SMARCD1: variants seen among roughly 807,000 people sequenced by gnomAD.
SMARCD1 encodes the protein SWI/SNF related BAF chromatin remodeling complex subunit D1.
In SMARCD1, 16 loss-of-function variants were observed where a neutral mutation model predicts 70.8. The observed-to-expected ratio is 0.23, with a 90% CI of 0.15 to 0.34. SMARCD1 has a LOEUF of 0.34. Among genes scored for constraint, SMARCD1 ranks in the 10% least tolerant of loss-of-function variants. The pLI, the probability that SMARCD1 is intolerant of heterozygous loss-of-function variation, is 1.00. For synonymous variants in SMARCD1, 249 were observed against 246.0 expected (o/e 1.01, Z -0.11); for missense variants, 409 against 655.5 (o/e 0.62, Z 4.11).
At chr12:50,090,854 T>C in intron 9 of SMARCD1, among the ~76,000 whole-genome samples, 1 of 125,936 alleles carries the variant, frequency 7.9e-6, no homozygotes, top group Non-Finnish European at 1.6e-5. Flanking sequence ...AGACAGAGTC[T>C]CACTCTGTTG....
chr12:50,086,451 G>A, intron 2 of SMARCD1, 103 bp downstream of exon 2: 1 of 867,270 alleles, frequency 1.2e-6, no homozygotes, highest in South Asian at 2.0e-5. Flanking sequence ...TCAGCAGATG[G>A]TGCTACAGAA....
At chr12:50,092,670 CT>C (rs1400564403) in intron 9 of SMARCD1, among the ~76,000 whole-genome samples, 1 of 152,042 alleles carries the variant, frequency 6.6e-6, no homozygotes, top group Admixed American at 6.6e-5. Context: ...TTGGTCTGTC[CT>C]ATATTCCTAT....
chr12:50,098,017 C>T (rs575999124), intron 11 of SMARCD1, among the ~76,000 whole-genome samples: 9 of 151,974 alleles, frequency 5.9e-5, no homozygotes, highest in South Asian at 2.1e-4. Flanking sequence ...GATTTGAAGA[C>T]GTTCCCAGAA....
chr12:50,094,280 C>T (rs1210757524), intron 9 of SMARCD1, among the ~76,000 whole-genome samples, 157 bp from the exon 10 acceptor site: 4 of 152,102 alleles, frequency 2.6e-5, no homozygotes, highest in Non-Finnish European at 5.9e-5. Flanking sequence ...ATGTAGCTGC[C>T]ACAATAAAGT....
intron 11 of SMARCD1, among the ~76,000 whole-genome samples, chr12:50,097,847 C>T (rs836176): frequency 0.33 from 48,320 of 146,568 alleles, 9,099 homozygotes; most frequent in Middle Eastern, 0.45. Context: ...GCCGAGATTG[C>T]GCCACTGCAC....
In SMARCD1 at chr12:50,085,544, C is replaced by T. The variant is rs1434810348; in HGVS notation, c.175C>T (p.Pro59Ser). ...YRSPMPGAAYPRPGMLPGSRM... is the reference protein window; with the variant it reads ...YRSPMPGAAYSRPGMLPGSRM... ...CTCCCCGATGCCCGGAGCGGCCTAT[C>T]CGGTGAGTGGGGCAGGAGGAGGGGC... The change falls in exon 1 of 13, where the codon CCG becomes TCG. Residue 59 changes from proline to serine, a missense_variant and splice_region_variant. This residue lies in a region of SMARCD1 where 140 missense variants were observed against 156.9 expected (regional missense o/e 0.89). Coordinates refer to ENST00000394963, the MANE Select transcript of SMARCD1 (RefSeq NM_003076.5). 1 of 1,232,924 alleles carries T rather than the reference C, an allele frequency of 8.1e-7. No homozygotes were observed. Among genetic ancestry groups the T allele is most frequent in the African/African-American group, 1.6e-5 (1 of 64,208 alleles). The allele number at this position is 1,232,924 out of a possible 1,614,324, so 76.4% of individuals were successfully genotyped here.
At chr12:50,096,804 C>A in intron 10 of SMARCD1, 46 bp from the exon 11 acceptor site, 1 of 1,572,940 alleles carries the variant, frequency 6.4e-7, no homozygotes, top group South Asian at 1.1e-5. Context: ...TTTAACTTCT[C>A]ATTTTTCTAG....
At chr12:50,093,207 C>A (rs970369518) in intron 9 of SMARCD1, among the ~76,000 whole-genome samples, 1 of 151,822 alleles carries the variant, frequency 6.6e-6, no homozygotes, top group South Asian at 2.1e-4. Flanking sequence ...TTTGTTTAAA[C>A]ATACAGAGTC....
Position 50,098,809 on chromosome 12 carries a change from C to T in SMARCD1, c.1488C>T (p.Tyr496=), listed in dbSNP as rs1950914723. The change falls in exon 12 of 13, where the codon TAC becomes TAT. Residue 496 remains tyrosine, a synonymous_variant. Coordinates refer to ENST00000394963, the MANE Select transcript of SMARCD1 (RefSeq NM_003076.5). ...AGGAGGCTGTGTGCCGATACTTCTA[C>T]TCCAAGGTAAGTACATGGGGTGCAC... ...WAQEAVCRYF[Y]SKVQQRRQEL... 1.2e-6 allele frequency: 2 copies of T among 1,613,718 alleles called. No individual in the cohort carries two copies. The highest frequency in any genetic ancestry group is 8.5e-7 in the Non-Finnish European group (1 of 1,179,684).
chr12:50,088,404 C>A, intron 5 of SMARCD1, 117 bp from the exon 6 acceptor site: 1 of 701,676 alleles, frequency 1.4e-6, no homozygotes, highest in Non-Finnish European at 2.6e-6. Flanking sequence ...AAGAGATATT[C>A]AGAAGATATT....
chr12:50,096,742 C>A, intron 10 of SMARCD1, 108 bp from the exon 11 acceptor site: 1 of 975,590 alleles, frequency 1.0e-6, no homozygotes, highest in Non-Finnish European at 1.5e-6. Flanking sequence ...CTGTGGGCAG[C>A]ATGGTGACTA....
At chr12:50,095,129 C>T (rs920602862) in intron 10 of SMARCD1, among the ~76,000 whole-genome samples, 17 of 152,058 alleles carry the variant, frequency 1.1e-4, no homozygotes, top group South Asian at 4.1e-4. Context: ...GTTGCTATGA[C>T]GATTAAATGA....
rs368198289 is a variant in SMARCD1 at position 50,086,608 on chromosome 12, T to A, written c.366-13T>A. 1.7e-5 allele frequency: 27 copies of A among 1,613,344 alleles called. No individual in the cohort carries two copies. Among genetic ancestry groups the A allele is most frequent in the Non-Finnish European group, 2.1e-5 (25 of 1,179,478 alleles). On this transcript the variant is annotated splice_polypyrimidine_tract_variant and intron_variant, in intron 2 of 12. Coordinates refer to ENST00000394963, the MANE Select transcript of SMARCD1 (RefSeq NM_003076.5). The stretch of plus-strand genomic sequence containing the variant: ...TTCTGTCCCAACCTGATAATAGTAT[T>A]TATTCCCAACAGTGCAAAGAAAAAG...
Position 50,089,741 on chromosome 12 carries a change from A to T in SMARCD1, c.772-143A>T, listed in dbSNP as rs952839191. 17 of 595,906 alleles carry T rather than the reference A, an allele frequency of 2.9e-5. No homozygotes were observed. The African/African-American group carries it at 3.2e-4, about 11-fold the overall frequency. The allele number at this position is 595,906 out of a possible 1,614,324, so 36.9% of individuals were successfully genotyped here. A position where few individuals can be genotyped will look rare whatever the true frequency, so the allele number is the denominator to read the frequency against. ...AGACAGTAATCCCAAAGCCATATGC[A>T]GTTTTTTAAAATGCCTCATGCTATT... is the stretch of plus-strand genomic sequence containing the variant. On this transcript the variant is annotated intron_variant, in intron 6 of 12. Transcript: ENST00000394963.
chr12:50,093,993 C>T (rs1453622783), intron 9 of SMARCD1, among the ~76,000 whole-genome samples: 3 of 151,934 alleles, frequency 2.0e-5, no homozygotes, highest in African/African-American at 4.8e-5. Flanking sequence ...CTCAGGTGAT[C>T]GCCCACCTTG....
chr12:50,095,526 C>T (rs1339104457), intron 10 of SMARCD1, among the ~76,000 whole-genome samples: 1 of 152,064 alleles, frequency 6.6e-6, no homozygotes, highest in East Asian at 1.9e-4. Context: ...GGAGTTTCAC[C>T]ATATTGGTCA....
intron 9 of SMARCD1, 81 bp downstream of exon 9, chr12:50,090,671 A>G: frequency 1.0e-6 from 1 of 998,020 alleles, no homozygotes; most frequent in Non-Finnish European, 1.6e-6. Context: ...AATTTTCAGG[A>G]ATTTTGCAAA....
chr12:50,092,195 A>T (rs10875997), intron 9 of SMARCD1, among the ~76,000 whole-genome samples: 46,411 of 144,376 alleles, frequency 0.32, 8,348 homozygotes, highest in East Asian at 0.77. Context: ...TTCCATATTA[A>T]TTCTGGTAAG....
At chr12:50,092,518 G>C (rs1248477915) in intron 9 of SMARCD1, among the ~76,000 whole-genome samples, 1 of 136,688 alleles carries the variant, frequency 7.3e-6, no homozygotes, top group Non-Finnish European at 1.6e-5. Context: ...CACCACACCC[G>C]GTGGGCTTTT....
Sources: gnomAD v4.1 joint callset for allele counts (sites outside exome capture counted in the v4.1 genomes callset) on GRCh38, gnomAD v4.1.1 for gene constraint, gnomAD v4.1.1 regional missense constraint, MANE v1.5 for transcripts, NCBI Gene and HGNC (gene_info 2026-07-23, HGNC 2026-07-21) for gene names.